Variants in GALNTL6 observed in about 807,000 individuals in gnomAD.
The protein encoded by GALNTL6 is polypeptide N-acetylgalactosaminyltransferase like 6.
Under a neutral mutation model 73.7 loss-of-function variants are expected in GALNTL6, and 46 were observed. That is an observed-to-expected ratio of 0.62 (90% CI 0.49 to 0.80). GALNTL6 has a LOEUF of 0.80. Among genes scored for constraint, GALNTL6 ranks in the 30% least tolerant of loss-of-function variants. The pLI is 0.00. For synonymous variants in GALNTL6, 259 were observed against 263.7 expected (o/e 0.98, Z 0.17); for missense variants, 604 against 755.0 (o/e 0.80, Z 2.34).
chr4:172,347,656 A>G (rs916548382), intron 4 of GALNTL6, among the ~76,000 whole-genome samples: 8 of 152,152 alleles, frequency 5.3e-5, no homozygotes, highest in Non-Finnish European at 1.0e-4. Flanking sequence ...TTGTCATATT[A>G]TATATATTTT....
At chr4:172,177,785 A>ATTTGTATATATATACACACACATATATG (rs1735072378) in intron 2 of GALNTL6, among the ~76,000 whole-genome samples, 1 of 63,996 alleles carries the variant, frequency 1.6e-5, no homozygotes, top group Non-Finnish European at 4.1e-5. Flanking sequence ...ATATATACAC[A>ATTTGTATATATATACACACACATATATG]TGTGTATATA....
intron 5 of GALNTL6, among the ~76,000 whole-genome samples, chr4:172,589,776 A>G (rs541417448): frequency 1.3e-5 from 2 of 152,294 alleles, no homozygotes; most frequent in East Asian, 3.9e-4. Flanking sequence ...GTACAACATT[A>G]TGTGTCCTGT....
chr4:172,936,927 G>A (rs555749926), intron 9 of GALNTL6, among the ~76,000 whole-genome samples: 2 of 152,212 alleles, frequency 1.3e-5, no homozygotes, highest in South Asian at 4.1e-4. Context: ...TCTATGAACC[G>A]AGGTCTGTCT....
intron 5 of GALNTL6, among the ~76,000 whole-genome samples, chr4:172,774,354 T>TG (rs1184960798): frequency 6.6e-6 from 1 of 152,124 alleles, no homozygotes; most frequent in African/African-American, 2.4e-5. Context: ...TCCCTTTGAT[T>TG]GGGGGGTGCA....
Position 172,809,520 on chromosome 4 carries a change from A to T in GALNTL6, c.713A>T (p.Asn238Ile). The change falls in exon 6 of 13, where the codon AAT becomes ATT. Residue 238 changes from asparagine (N) to isoleucine (I), a missense_variant. Asn to Ile is a moderately radical substitution (Grantham distance 149). This residue lies in a region of GALNTL6 where 179 missense variants were observed against 230.8 expected (regional missense o/e 0.78). Transcript: ENST00000506823. The surrounding 1 kb of genome is among the most constrained non-coding windows in gnomAD (Gnocchi z 4.4). The part of the protein sequence containing the change: ...LTFLDSHCEV[N>I]VNWLPPLLNQ... ...TTCCTGGACTCCCACTGCGAGGTCA[A>T]TGTGAACTGGCTGCCCCCACTCCTC... 6.2e-7 allele frequency: 1 copy of T among 1,613,328 alleles called. No homozygotes were observed. The highest frequency in any genetic ancestry group is 8.5e-7 in the Non-Finnish European group (1 of 1,179,638).
chr4:172,141,888 C>A (rs932440535), intron 2 of GALNTL6, among the ~76,000 whole-genome samples: 3 of 98,418 alleles, frequency 3.0e-5, no homozygotes, highest in Non-Finnish European at 2.3e-5. Flanking sequence ...CACAAACACA[C>A]ACACACACAC....
intron 2 of GALNTL6, among the ~76,000 whole-genome samples, chr4:171,938,373 AACAT>A (rs993292452): frequency 5.5e-4 from 83 of 152,134 alleles, no homozygotes; most frequent in African/African-American, 1.8e-3. Context: ...CTTGAATGCC[AACAT>A]TATAGACCCT....
chr4:172,762,783 CAA>C (rs140987178), intron 5 of GALNTL6, among the ~76,000 whole-genome samples: 58,432 of 139,352 alleles, frequency 0.42, 14,153 homozygotes, highest in East Asian at 0.69. Context: ...CAGATTCACT[CAA>C]AAAAAAAAAA....
chr4:172,244,927 C>T (rs1049803538), intron 3 of GALNTL6, among the ~76,000 whole-genome samples: 1 of 152,126 alleles, frequency 6.6e-6, no homozygotes, highest in Non-Finnish European at 1.5e-5. Context: ...TGATTACTAT[C>T]AAATTGTTTC....
intron 10 of GALNTL6, among the ~76,000 whole-genome samples, chr4:172,997,094 A>C (rs974230792): frequency 1.3e-5 from 2 of 152,130 alleles, no homozygotes; most frequent in African/African-American, 2.4e-5. Flanking sequence ...CAGTGTCTCT[A>C]TCTGTACCAG....
At chr4:172,699,682 A>G (rs1392444690) in intron 5 of GALNTL6, among the ~76,000 whole-genome samples, 2 of 152,228 alleles carry the variant, frequency 1.3e-5, no homozygotes, top group Non-Finnish European at 2.9e-5. Flanking sequence ...TCATGAGAGA[A>G]GGCACAGCTA....
chr4:172,465,472 G>A (rs112926523), intron 5 of GALNTL6, among the ~76,000 whole-genome samples: 2,156 of 151,308 alleles, frequency 0.014, 28 homozygotes, highest in Middle Eastern at 0.024. Context: ...GCGAGAATCC[G>A]TCTCAAAAAA....
At chr4:171,831,875 A>G (rs561185814) in intron 2 of GALNTL6, among the ~76,000 whole-genome samples, 2 of 151,810 alleles carry the variant, frequency 1.3e-5, no homozygotes, top group African/African-American at 2.4e-5. Flanking sequence ...TTTTAATATT[A>G]TAAGAAAATA....
intron 5 of GALNTL6, among the ~76,000 whole-genome samples, chr4:172,437,451 G>A (rs1731674471): frequency 1.3e-5 from 2 of 151,916 alleles, no homozygotes; most frequent in African/African-American, 2.4e-5. Flanking sequence ...CCAAACTAGA[G>A]AGAAATTTTT....
chr4:173,038,265 T>A (rs546509997), intron 12 of GALNTL6, among the ~76,000 whole-genome samples: 7 of 152,136 alleles, frequency 4.6e-5, no homozygotes, highest in Non-Finnish European at 1.0e-4. Flanking sequence ...GCATGAGAGA[T>A]GCTGGGGAAG....
chr4:172,206,491 C>T (rs1005015565), intron 2 of GALNTL6, among the ~76,000 whole-genome samples: 3 of 152,238 alleles, frequency 2.0e-5, no homozygotes, highest in Non-Finnish European at 4.4e-5. Flanking sequence ...TGTACTGACA[C>T]TCTTCATGCC....
intron 5 of GALNTL6, among the ~76,000 whole-genome samples, chr4:172,547,902 G>T (rs1419844419): frequency 6.6e-6 from 1 of 152,110 alleles, no homozygotes; most frequent in African/African-American, 2.4e-5. Flanking sequence ...TTCTGAAATT[G>T]GTTTGATGCT....
chr4:171,862,792 A>G (rs1056968133), intron 2 of GALNTL6, among the ~76,000 whole-genome samples: 28 of 152,136 alleles, frequency 1.8e-4, no homozygotes, highest in Non-Finnish European at 1.9e-4. Context: ...CTGATCAAAT[A>G]TAATAACCTA....
At chr4:172,040,135 C>T (rs753442849) in intron 2 of GALNTL6, among the ~76,000 whole-genome samples, 4 of 147,640 alleles carry the variant, frequency 2.7e-5, no homozygotes, top group African/African-American at 9.8e-5. Context: ...ATAACAATGG[C>T]GCAATGGAAA....
Sources: allele counts gnomAD v4.1 joint callset (sites outside exome capture counted in the v4.1 genomes callset), GRCh38; gene constraint gnomAD v4.1.1; regional missense constraint gnomAD v4.1.1; non-coding constraint Gnocchi (gnomAD v3.1); transcripts MANE v1.5; gene names NCBI Gene and HGNC (gene_info 2026-07-23, HGNC 2026-07-21).